Variants in CPXM2 observed in about 807,000 individuals in gnomAD.
CPXM2 encodes the protein inactive carboxypeptidase-like protein X2.
In CPXM2, 66 loss-of-function variants were observed where a neutral mutation model predicts 86.1. The ratio of observed to expected loss-of-function variants is 0.77; its 90% confidence interval spans 0.63 to 0.94. CPXM2 has a LOEUF of 0.94. Ranked by LOEUF, CPXM2 falls within the 40% of genes least tolerant of loss-of-function variation. CPXM2 has a pLI of 0.00. For missense variants in CPXM2, 948 were observed against 1,026.3 expected (o/e 0.92, Z 1.04); for synonymous variants, 388 against 400.2 (o/e 0.97, Z 0.36).
At chr10:123,829,012 A>T (rs1009609525) in intron 4 of CPXM2, among the ~76,000 whole-genome samples, 7 of 152,348 alleles carry the variant, frequency 4.6e-5, no homozygotes, top group Admixed American at 4.6e-4. Flanking sequence ...TAGATGAAGA[A>T]CTCTCAAGAG....
rs1280872186 is a variant in CPXM2 at position 123,771,017 on chromosome 10, A to G, written c.1001T>C (p.Met334Thr). The G allele has an allele frequency of 6.2e-7, 1 of 1,613,312 alleles. No individual in the cohort carries two copies. The highest frequency in any genetic ancestry group is 2.2e-5 in the East Asian group (1 of 44,876). ...MRQLMKVVNE[M>T]CPNITRIYNI... ...GTAAATTCTGGTGATATTGGGACAC[A>G]TTTCATTCACAACTTTCATCAACTG... is the stretch of plus-strand genomic sequence containing the variant. Residue 334 changes from methionine (M) to threonine (T), a missense_variant, in exon 8 of 14, where the codon ATG becomes ACG. Coordinates refer to ENST00000241305, the MANE Select transcript of CPXM2 (RefSeq NM_198148.3).
Position 123,865,656 on chromosome 10 carries a change from G to A in CPXM2, c.404-2933C>T, listed in dbSNP as rs1848959913. Among the ~76,000 whole-genome samples, 1 of 152,154 alleles carries A rather than the reference G, an allele frequency of 6.6e-6. No homozygotes were observed. The highest frequency in any genetic ancestry group is 2.4e-5 in the African/African-American group (1 of 41,440). On this transcript the variant is annotated intron_variant, in intron 2 of 13. Transcript: ENST00000241305. The surrounding 1 kb of genome is among the most constrained non-coding windows in gnomAD (Gnocchi z 4.7). ...CCCCTGGCTGCCCACTGGGATCAGG[G>A]TGCTGTTAGCAAAACAAGGGGACGC...
intron 4 of CPXM2, among the ~76,000 whole-genome samples, chr10:123,829,215 T>C (rs1848110079): frequency 6.6e-6 from 1 of 152,116 alleles, no homozygotes. Flanking sequence ...AAAATAGTGA[T>C]AAGATTAAAT....
At chr10:123,771,971 AG>A (rs35116782) in intron 7 of CPXM2, among the ~76,000 whole-genome samples, 46,658 of 152,106 alleles carry the variant, frequency 0.31, 8,130 homozygotes, top group East Asian at 0.55. Context: ...TAAATTACCC[AG>A]TCTCATGTAT....
At chr10:123,854,249 C>T (rs897450446) in intron 3 of CPXM2, among the ~76,000 whole-genome samples, 11 of 148,516 alleles carry the variant, frequency 7.4e-5, no homozygotes, top group East Asian at 2.0e-4. Flanking sequence ...TGGATGTGGG[C>T]GTGGGAGAGC....
Position 123,891,621 on chromosome 10 carries a change from C to T in CPXM2, c.39G>A (p.Leu13=). The T allele has an allele frequency of 1.3e-6, 2 of 1,494,622 alleles. No individual in the cohort carries two copies. Among genetic ancestry groups the T allele is most frequent in the African/African-American group, 1.4e-5 (1 of 69,526 alleles). 92.6% of individuals were successfully genotyped at this position (1,494,622 alleles called of 1,614,324 possible). ...RPGTATPALA[L]VLLAVTLAGV... ...CGGCCAGGGTCACTGCCAGGAGCAC[C>T]AGGGCCAGCGCTGGGGTAGCGGTCC... The change falls in exon 1 of 14, where the codon CTG becomes CTA. Residue 13 remains leucine, a synonymous_variant. Transcript: ENST00000241305. The surrounding 1 kb of genome is among the most constrained non-coding windows in gnomAD (Gnocchi z 5.6).
intron 2 of CPXM2, among the ~76,000 whole-genome samples, chr10:123,863,430 G>T (rs541390745): frequency 2.6e-5 from 4 of 152,274 alleles, no homozygotes; most frequent in African/African-American, 4.8e-5. Context: ...CATTGAGGGG[G>T]TTTGTGCAGC....
chr10:123,896,979 C>G (rs1019065430), upstream of CPXM2, among the ~76,000 whole-genome samples: 4 of 152,034 alleles, frequency 2.6e-5, no homozygotes, highest in Non-Finnish European at 5.9e-5. Flanking sequence ...CCTCTGGTTT[C>G]TGATTGGGAT....
chr10:123,820,719 C>G (rs1340102888), intron 4 of CPXM2, among the ~76,000 whole-genome samples: 1 of 152,164 alleles, frequency 6.6e-6, no homozygotes, highest in Non-Finnish European at 1.5e-5. Flanking sequence ...CTTCCAGAGG[C>G]CACCCACATT....
chr10:123,939,103 CA>C (rs1287766793), intron 2 of CPXM2, among the ~76,000 whole-genome samples: 3 of 152,166 alleles, frequency 2.0e-5, no homozygotes, highest in Non-Finnish European at 4.4e-5. Flanking sequence ...AGTGTATCTG[CA>C]GAGCCAACTG....
rs112469924 is a variant in CPXM2 at position 123,846,579 on chromosome 10, TG to T, written c.514-4092del. On this transcript the variant is annotated intron_variant, in intron 3 of 13. Coordinates refer to ENST00000241305, the MANE Select transcript of CPXM2 (RefSeq NM_198148.3). ...GGTACTGGTCTGTGGACGGGGGACTTGGGGACCCTGTACTAGAGGATGCACT... is the reference window on the plus strand; with the variant it reads ...GGTACTGGTCTGTGGACGGGGGACTTGGGACCCTGTACTAGAGGATGCACT... 8.9e-4 allele frequency among the ~76,000 whole-genome samples: 136 copies of T among 152,262 alleles called. 1 individual carries two copies. Among genetic ancestry groups the T allele is most frequent in the African/African-American group, 3.0e-3 (126 of 41,554 alleles).
intron 3 of CPXM2, among the ~76,000 whole-genome samples, chr10:123,849,478 T>A (rs974764622): frequency 6.6e-6 from 1 of 150,942 alleles, no homozygotes; most frequent in Non-Finnish European, 1.5e-5. Flanking sequence ...TTCGCTCTTG[T>A]TGCCCAGGCT....
At chr10:123,938,383 C>T (rs11511760) in intron 2 of CPXM2, among the ~76,000 whole-genome samples, 18,342 of 152,254 alleles carry the variant, frequency 0.12, 1,264 homozygotes, top group South Asian at 0.17. Flanking sequence ...TGCAGCTCAA[C>T]CATGTCAAGG....
At chr10:123,855,728 A>G (rs1848708730) in intron 3 of CPXM2, among the ~76,000 whole-genome samples, 1 of 152,200 alleles carries the variant, frequency 6.6e-6, no homozygotes, top group Non-Finnish European at 1.5e-5. Flanking sequence ...GCCGCCTCCA[A>G]ATATCCCACC....
rs180941666 is a variant in CPXM2 at position 123,860,935 on chromosome 10, C to T, written c.513+1679G>A. On this transcript the variant is annotated intron_variant, in intron 3 of 13. Coordinates refer to ENST00000241305, the MANE Select transcript of CPXM2 (RefSeq NM_198148.3). ...GTTCTACAAATGTTCTACCTGAATT[C>T]GTCTGAACTGAAAAGTGGCGGAGGT... Among the ~76,000 whole-genome samples, 6 of 152,296 alleles carry T rather than the reference C, an allele frequency of 3.9e-5. No homozygotes were observed. The East Asian group carries it at 5.8e-4, about 15-fold the overall frequency.
At position 123,792,963 on chromosome 10, in the gene CPXM2, C is replaced by T. The variant is rs182546676; in HGVS notation, c.889+5013G>A. On this transcript the variant is annotated intron_variant, in intron 6 of 13. Coordinates refer to ENST00000241305, the MANE Select transcript of CPXM2 (RefSeq NM_198148.3). The stretch of plus-strand genomic sequence containing the variant: ...GCAGCCACCCCAGAGCCCCCAGAAA[C>T]CCTAGGGAAGGAGGAGATTTGGGAT... 4.6e-5 allele frequency among the ~76,000 whole-genome samples: 7 copies of T among 152,246 alleles called. No individual in the cohort carries two copies. The South Asian group carries it at 1.2e-3, about 27-fold the overall frequency.
chr10:123,791,889 T>G (rs1000322748), intron 6 of CPXM2, among the ~76,000 whole-genome samples: 1 of 152,218 alleles, frequency 6.6e-6, no homozygotes, highest in African/African-American at 2.4e-5. Context: ...GAGGCCATCC[T>G]TCCGAACTGA....
At position 123,785,925 on chromosome 10, in the gene CPXM2, G is replaced by A. The variant is rs1045475007; in HGVS notation, c.890-5670C>T. ...TGGGATTACAGGTGTAAGCCACCGC[G>A]CCCAGCCCACTTTAGCTTCTTAAGG... is the stretch of plus-strand genomic sequence containing the variant. On this transcript the variant is annotated intron_variant, in intron 6 of 13. Transcript: ENST00000241305. Among the ~76,000 whole-genome samples, 5 of 152,108 alleles carry A rather than the reference G, an allele frequency of 3.3e-5. No homozygotes were observed. The South Asian group carries it at 6.2e-4, about 19-fold the overall frequency.
chr10:123,851,662 G>A (rs947226273), intron 3 of CPXM2, among the ~76,000 whole-genome samples: 10 of 151,850 alleles, frequency 6.6e-5, no homozygotes, highest in Middle Eastern at 3.2e-3. Flanking sequence ...CCAGCTCCTC[G>A]GGAGGCTGAG....
Sources: allele counts gnomAD v4.1 joint callset (sites outside exome capture counted in the v4.1 genomes callset), GRCh38; gene constraint gnomAD v4.1.1; non-coding constraint Gnocchi (gnomAD v3.1); transcripts MANE v1.5; gene names NCBI Gene and HGNC (gene_info 2026-07-23, HGNC 2026-07-21).